Variants in TMEM131 observed in about 807,000 individuals in gnomAD.
The protein encoded by TMEM131 is transmembrane protein 131.
Under a neutral mutation model 211.6 loss-of-function variants are expected in TMEM131, and 66 were observed. The observed-to-expected ratio is 0.31, with a 90% CI of 0.26 to 0.38. TMEM131 has a LOEUF of 0.38. TMEM131 is among the 10% of genes least tolerant of loss of function. TMEM131 has a pLI of 1.00. For missense variants in TMEM131, 2,036 were observed against 2,299.3 expected (o/e 0.89, Z 2.34); for synonymous variants, 844 against 841.3 (o/e 1.00, Z -0.06).
intron 5 of TMEM131, 121 bp downstream of exon 5, chr2:97,859,183 A>G (rs1043487242): frequency 5.4e-6 from 6 of 1,111,766 alleles, no homozygotes; most frequent in Non-Finnish European, 7.6e-6. Flanking sequence ...AGTGAAACAA[A>G]TCTAGGAACA....
chr2:97,793,809 A>G (rs999668517), intron 29 of TMEM131, among the ~76,000 whole-genome samples: 2 of 151,724 alleles, frequency 1.3e-5, no homozygotes, highest in African/African-American at 4.8e-5. Flanking sequence ...CCTGGCTAAC[A>G]TGGTGAAACC....
intron 1 of TMEM131, among the ~76,000 whole-genome samples, chr2:97,942,504 AAAG>A (rs1677786662): frequency 3.0e-5 from 2 of 67,722 alleles, no homozygotes; most frequent in African/African-American, 1.4e-4. Context: ...AAAAAAAAGA[AAAG>A]AAAGAAACAG....
chr2:97,815,329 A>G (rs566032712), intron 12 of TMEM131, 22 bp from the exon 13 acceptor site: 2 of 1,435,558 alleles, frequency 1.4e-6, no homozygotes, highest in South Asian at 2.6e-5. Flanking sequence ...CATAAAAAAT[A>G]ATCTCTGTTA....
At chr2:97,986,362 G>A (rs1680028327) in intron 1 of TMEM131, among the ~76,000 whole-genome samples, 1 of 152,092 alleles carries the variant, frequency 6.6e-6, no homozygotes, top group Admixed American at 6.5e-5. Context: ...AGAGGGAAGA[G>A]AGATGAGGAA....
intron 2 of TMEM131, among the ~76,000 whole-genome samples, chr2:97,920,585 G>C (rs945663393): frequency 1.3e-5 from 2 of 152,138 alleles, no homozygotes; most frequent in Non-Finnish European, 2.9e-5. Context: ...AAGTAATTTA[G>C]CAAGTTTTCA....
At chr2:97,891,945 T>C (rs1157303294) in intron 3 of TMEM131, among the ~76,000 whole-genome samples, 1 of 152,028 alleles carries the variant, frequency 6.6e-6, no homozygotes, top group Non-Finnish European at 1.5e-5. Flanking sequence ...CAGCCACAAA[T>C]AAGAGGTGGG....
intron 7 of TMEM131, among the ~76,000 whole-genome samples, chr2:97,839,633 A>G (rs1683102162): frequency 6.6e-6 from 1 of 152,250 alleles, no homozygotes; most frequent in African/African-American, 2.4e-5. Context: ...CGCATGCACA[A>G]GAGAAAGGTC....
intron 2 of TMEM131, among the ~76,000 whole-genome samples, chr2:97,916,254 G>A (rs1354265452): frequency 2.0e-5 from 3 of 152,282 alleles, no homozygotes; most frequent in East Asian, 1.9e-4. Flanking sequence ...TTCTTCTTTT[G>A]TACCACTTAT....
intron 2 of TMEM131, among the ~76,000 whole-genome samples, chr2:97,913,456 A>C (rs1676375680): frequency 6.6e-6 from 1 of 152,206 alleles, no homozygotes; most frequent in East Asian, 1.9e-4. Context: ...AAAGAAACTA[A>C]GCCTCTAAAT....
intron 35 of TMEM131, chr2:97,763,102 A>C (rs1045809439): frequency 6.6e-6 from 1 of 151,686 alleles, no homozygotes; most frequent in Non-Finnish European, 1.5e-5. Flanking sequence ...CTGCCTTGTG[A>C]GATTTCCGCG....
At chr2:97,927,572 T>A (rs1677044529) in intron 1 of TMEM131, 85 bp from the exon 2 acceptor site, 3 of 1,113,024 alleles carry the variant, frequency 2.7e-6, no homozygotes, top group Non-Finnish European at 3.7e-6. Flanking sequence ...TTAATTAATA[T>A]AATTTTATAT....
intron 25 of TMEM131, among the ~76,000 whole-genome samples, chr2:97,799,907 C>T (rs1264882388): frequency 1.3e-5 from 2 of 151,960 alleles, no homozygotes; most frequent in Non-Finnish European, 2.9e-5. Context: ...TGAGAATCTA[C>T]CTGTCTATTA....
chr2:97,838,397 C>T (rs1573440311), intron 7 of TMEM131, among the ~76,000 whole-genome samples: 1 of 140,928 alleles, frequency 7.1e-6, no homozygotes, highest in Non-Finnish European at 1.5e-5. Context: ...AAGGATAAAG[C>T]AAGAAAAATG....
chr2:97,877,676 G>A (rs546382555), intron 4 of TMEM131, among the ~76,000 whole-genome samples: 6 of 152,038 alleles, frequency 3.9e-5, no homozygotes, highest in African/African-American at 9.6e-5. Flanking sequence ...AAACTGGACC[G>A]CTTCCTTGTA....
intron 28 of TMEM131, among the ~76,000 whole-genome samples, chr2:97,795,457 C>G (rs1278402662): frequency 6.6e-6 from 1 of 152,074 alleles, no homozygotes; most frequent in African/African-American, 2.4e-5. Context: ...CCAATAATGT[C>G]TTTTTTAAAA....
chr2:97,876,803 G>A (rs1274672017), intron 4 of TMEM131, among the ~76,000 whole-genome samples: 2 of 152,214 alleles, frequency 1.3e-5, no homozygotes, highest in Admixed American at 1.3e-4. Flanking sequence ...AGACAAGGAT[G>A]CCCTGTCTCA....
chr2:97,989,870 G>C (rs1573661760), intron 1 of TMEM131, among the ~76,000 whole-genome samples: 1 of 152,302 alleles, frequency 6.6e-6, no homozygotes, highest in African/African-American at 2.4e-5. Context: ...CTACAGATGA[G>C]AACTAATGAC....
At chr2:97,937,651 G>C (rs1369361523) in intron 1 of TMEM131, among the ~76,000 whole-genome samples, 1 of 152,120 alleles carries the variant, frequency 6.6e-6, no homozygotes, top group Non-Finnish European at 1.5e-5. Context: ...ACTCCATTAA[G>C]ATGACATAAT....
intron 11 of TMEM131, among the ~76,000 whole-genome samples, chr2:97,825,934 A>C (rs1309923877): frequency 6.6e-6 from 1 of 152,238 alleles, no homozygotes; most frequent in East Asian, 1.9e-4. Context: ...ACAACCGCCT[A>C]CTTAGATAGC....
Sources: gnomAD v4.1 joint callset for allele counts (sites outside exome capture counted in the v4.1 genomes callset) on GRCh38, gnomAD v4.1.1 for gene constraint, MANE v1.5 for transcripts, NCBI Gene and HGNC (gene_info 2026-07-23, HGNC 2026-07-21) for gene names.